The following DAB1 variants were observed in gnomAD, a reference collection of about 807,000 sequenced individuals.
DAB1 encodes the protein DAB adaptor protein 1.
Under a neutral mutation model 64.6 loss-of-function variants are expected in DAB1, and 15 were observed. The ratio of observed to expected loss-of-function variants is 0.23; its 90% CI spans 0.16 to 0.36. The LOEUF (loss-of-function observed/expected upper bound fraction) is 0.36, where lower values mean the gene tolerates loss of function less well. Ranked by LOEUF, DAB1 falls within the 10% of genes least tolerant of loss-of-function variation. The pLI is 1.00. For synonymous variants in DAB1, 235 were observed against 251.9 expected, an observed-to-expected ratio of 0.93 and a Z score of 0.64; for missense variants, 596 against 706.7, an observed-to-expected ratio of 0.84 and a Z score of 1.78.
At chr1:57,134,132 C>T (rs1251759798) in intron 4 of DAB1, among the ~76,000 whole-genome samples, 1 of 152,156 alleles carries the variant, frequency 6.6e-6, no homozygotes, top group East Asian at 1.9e-4. Flanking sequence ...GGTGAACTCC[C>T]TCACACAGAA....
At chr1:57,455,914 T>C (rs1375645995) in intron 7 of DAB1, among the ~76,000 whole-genome samples, 1 of 152,198 alleles carries the variant, frequency 6.6e-6, no homozygotes, top group Non-Finnish European at 1.5e-5. Flanking sequence ...TGGATGATGG[T>C]CCATCCTCTG....
chr1:58,440,291 C>T (rs1384653139), intron 3 of DAB1, among the ~76,000 whole-genome samples: 1 of 152,206 alleles, frequency 6.6e-6, no homozygotes, highest in East Asian at 1.9e-4. Flanking sequence ...CTACTATGTG[C>T]TGGGCATTGG....
chr1:57,222,314 T>C (rs1367098866), intron 2 of DAB1, among the ~76,000 whole-genome samples: 1 of 152,176 alleles, frequency 6.6e-6, no homozygotes, highest in Non-Finnish European at 1.5e-5. Flanking sequence ...TGACAGAAAC[T>C]TCTGGTCCTA....
chr1:57,246,534 C>T (rs111800542), intron 2 of DAB1, among the ~76,000 whole-genome samples: 1 of 152,304 alleles, frequency 6.6e-6, no homozygotes, highest in Non-Finnish European at 1.5e-5. Context: ...TCATGAAGAA[C>T]CTAGTGCAGA....
At chr1:58,332,672 A>G (rs767636167) in intron 4 of DAB1, among the ~76,000 whole-genome samples, 24 of 152,214 alleles carry the variant, frequency 1.6e-4, no homozygotes, top group Non-Finnish European at 2.9e-4. Flanking sequence ...AGAAGAATTA[A>G]TTATCCACAG....
intron 7 of DAB1, among the ~76,000 whole-genome samples, chr1:57,433,790 C>T (rs1410635031): frequency 2.7e-5 from 4 of 150,032 alleles, no homozygotes; most frequent in African/African-American, 7.4e-5. Context: ...TAAAGAAATT[C>T]TTCAAATTAA....
In DAB1 at chr1:57,687,749, C is replaced by G. The variant is rs1189110868; in HGVS notation, n.552-38084G>C. The stretch of plus-strand genomic sequence containing the variant: ...AGACCAATGGAATAGAACAGAGAAC[C>G]CAGAAAAAAAGCTACACATCTACAA... On this transcript the variant is annotated intron_variant and non_coding_transcript_variant, in intron 6 of 20. Coordinates refer to the DAB1 transcript ENST00000485760. Among the ~76,000 whole-genome samples, 4 of 151,700 alleles carry G rather than the reference C, an allele frequency of 2.6e-5. No individual in the cohort carries two copies. In the East Asian group the frequency reaches 5.8e-4, roughly 22 times the overall value.
At chr1:57,500,742 GA>G (rs201893790) in intron 7 of DAB1, among the ~76,000 whole-genome samples, 5 of 151,010 alleles carry the variant, frequency 3.3e-5, no homozygotes, top group East Asian at 1.9e-4. Flanking sequence ...TATTCCTTTA[GA>G]AAAAAAAATC....
intron 7 of DAB1, among the ~76,000 whole-genome samples, chr1:57,589,345 G>A (rs1026433903): frequency 2.6e-5 from 4 of 152,154 alleles, no homozygotes; most frequent in Admixed American, 1.3e-4. Flanking sequence ...GTAATAACCT[G>A]GAGAAAATAT....
At chr1:57,168,489 T>C (rs1434401549) in intron 2 of DAB1, among the ~76,000 whole-genome samples, 1 of 152,176 alleles carries the variant, frequency 6.6e-6, no homozygotes, top group Non-Finnish European at 1.5e-5. Context: ...CCATATGTCT[T>C]CACATCTGTG....
chr1:58,150,403 C>A (rs1397547595), intron 5 of DAB1: 2 of 152,162 alleles, frequency 1.3e-5, no homozygotes, highest in Non-Finnish European at 1.5e-5. Context: ...TCTTTTCCAT[C>A]CCCTATTCAC....
At chr1:57,606,190 G>GGATTTTTT in intron 7 of DAB1, 1 of 253,120 alleles carries the variant, frequency 4.0e-6, no homozygotes, top group Non-Finnish European at 7.9e-6. Flanking sequence ...TGTTTTTCCG[G>GGATTTTTT]TATTTTTAAA....
chr1:57,574,363 T>A (rs1031646039), intron 7 of DAB1, among the ~76,000 whole-genome samples: 6 of 152,174 alleles, frequency 3.9e-5, no homozygotes, highest in African/African-American at 1.4e-4. Flanking sequence ...CAGGCCCTGG[T>A]CAAAGTGGAG....
intron 2 of DAB1, among the ~76,000 whole-genome samples, chr1:57,233,948 G>T (rs1399971700): frequency 6.6e-6 from 1 of 152,014 alleles, no homozygotes; most frequent in Non-Finnish European, 1.5e-5. Flanking sequence ...CTGCCAAAAC[G>T]GGTCAATTTA....
chr1:57,844,741 A>C (rs1049368649), intron 1 of DAB1, among the ~76,000 whole-genome samples: 6 of 152,104 alleles, frequency 3.9e-5, no homozygotes, highest in African/African-American at 1.4e-4. Flanking sequence ...ACAGGAAGAG[A>C]GAGATACTGG....
chr1:57,595,497 G>A (rs899246660), intron 7 of DAB1, among the ~76,000 whole-genome samples: 2 of 152,040 alleles, frequency 1.3e-5, no homozygotes, highest in African/African-American at 4.8e-5. Context: ...CTCCTTCTCT[G>A]GGAGGCTTAG....
chr1:57,249,935 T>G (rs560984195), intron 2 of DAB1, among the ~76,000 whole-genome samples: 1 of 152,350 alleles, frequency 6.6e-6, no homozygotes, highest in African/African-American at 2.4e-5. Context: ...TATTTTTGCA[T>G]TTTTATTGTT....
chr1:58,195,197 A>T (rs755226919), intron 4 of DAB1, among the ~76,000 whole-genome samples: 7 of 152,174 alleles, frequency 4.6e-5, no homozygotes, highest in African/African-American at 1.7e-4. Context: ...CTCACCGCCT[A>T]GCATATGGCA....
chr1:57,421,202 G>A (rs1558354642), intron 1 of DAB1, among the ~76,000 whole-genome samples: 1 of 152,176 alleles, frequency 6.6e-6, no homozygotes, highest in Non-Finnish European at 1.5e-5. Context: ...GTTGGGAGGA[G>A]AAAATGAACA....
Sources: gnomAD v4.1 joint callset for allele counts (sites outside exome capture counted in the v4.1 genomes callset) on GRCh38, gnomAD v4.1.1 for gene constraint, MANE v1.5 for transcripts, NCBI Gene and HGNC (gene_info 2026-07-23, HGNC 2026-07-21) for gene names.